CNTNAP2: variants seen among roughly 807,000 people sequenced by gnomAD.
CNTNAP2 encodes contactin associated protein 2.
In CNTNAP2, 98 loss-of-function variants were observed where a neutral mutation model predicts 155.2. That is an observed-to-expected ratio of 0.63 (90% CI 0.54 to 0.75). CNTNAP2 has a LOEUF of 0.75. Among genes scored for constraint, CNTNAP2 ranks in the 30% least tolerant of loss-of-function variants. The pLI is 0.00. For synonymous variants in CNTNAP2, 651 were observed against 631.2 expected (o/e 1.03, Z -0.47); for missense variants, 1,727 against 1,688.1 (o/e 1.02, Z -0.40).
At chr7:147,677,673 C>A (rs891434961) in intron 13 of CNTNAP2, among the ~76,000 whole-genome samples, 5 of 151,562 alleles carry the variant, frequency 3.3e-5, no homozygotes, top group Non-Finnish European at 5.9e-5. Context: ...AGTTTTTAAT[C>A]CATTTTAAGC....
chr7:148,415,835 A>G lies in CNTNAP2; in HGVS notation c.*219A>G. ...ATAGCTGAGTTTTCCCTTCTGTATC[A>G]AAACAAAATAATACAAAAAATGCTT... is the stretch of plus-strand genomic sequence containing the variant. On this transcript the variant is annotated 3_prime_UTR_variant, in exon 24 of 24. Transcript: ENST00000361727. The G allele has an allele frequency of 1.7e-6, 1 of 604,792 alleles. No individual in the cohort carries two copies. Among genetic ancestry groups the G allele is most frequent in the Non-Finnish European group, 2.9e-6 (1 of 346,016 alleles). The allele number at this position is 604,792 out of a possible 1,614,324, so 37.5% of individuals were successfully genotyped here.
chr7:147,874,579 T>A (rs1251147963), intron 13 of CNTNAP2, among the ~76,000 whole-genome samples: 4 of 152,260 alleles, frequency 2.6e-5, no homozygotes, highest in Non-Finnish European at 5.9e-5. Context: ...CATTTTTCCC[T>A]CCTAGGCCTC....
intron 14 of CNTNAP2, among the ~76,000 whole-genome samples, chr7:147,948,190 G>A (rs1378787666): frequency 6.6e-6 from 1 of 151,492 alleles, no homozygotes; most frequent in Non-Finnish European, 1.5e-5. Flanking sequence ...GGGGAGGGGG[G>A]CATGGTTAAT....
At chr7:146,567,052 G>A (rs886226262) in intron 1 of CNTNAP2, among the ~76,000 whole-genome samples, 3 of 152,072 alleles carry the variant, frequency 2.0e-5, no homozygotes, top group East Asian at 1.9e-4. Flanking sequence ...TTTAAGTGAT[G>A]GGATGTAATC....
At chr7:146,395,909 C>T (rs1181477240) in intron 1 of CNTNAP2, among the ~76,000 whole-genome samples, 1 of 151,674 alleles carries the variant, frequency 6.6e-6, no homozygotes, top group Non-Finnish European at 1.5e-5. Flanking sequence ...AAATGAGTAT[C>T]TCAGAAAGGC....
intron 1 of CNTNAP2, among the ~76,000 whole-genome samples, chr7:146,170,037 G>A (rs1464165983): frequency 3.6e-5 from 4 of 110,614 alleles, no homozygotes; most frequent in African/African-American, 9.7e-5. Context: ...TTTTTTTTTG[G>A]AGTGGGGTGG....
chr7:146,308,796 G>T (rs572682221), intron 1 of CNTNAP2, among the ~76,000 whole-genome samples: 2 of 152,036 alleles, frequency 1.3e-5, no homozygotes, highest in Non-Finnish European at 2.9e-5. Context: ...TTGGACACAC[G>T]GCGGGGAACA....
chr7:146,311,285 T>A (rs943337504), intron 1 of CNTNAP2, among the ~76,000 whole-genome samples: 2 of 152,148 alleles, frequency 1.3e-5, no homozygotes, highest in African/African-American at 4.8e-5. Flanking sequence ...GTGACCCAAA[T>A]CCAAGTCTGA....
chr7:146,464,427 A>G (rs1796687081), intron 1 of CNTNAP2, among the ~76,000 whole-genome samples: 1 of 152,160 alleles, frequency 6.6e-6, no homozygotes, highest in Non-Finnish European at 1.5e-5. Context: ...ATTTCAGAGA[A>G]TAGAAGAAAA....
chr7:147,744,460 A>T (rs771933271), intron 13 of CNTNAP2, among the ~76,000 whole-genome samples: 17 of 152,292 alleles, frequency 1.1e-4, no homozygotes, highest in Non-Finnish European at 2.2e-4. Context: ...TTCTTTAACA[A>T]ATATGTAGCG....
rs1801121442 is a variant in CNTNAP2, at chr7:147,608,697, T to A, written c.1898-30409T>A. ...ACAAAATGAAGAAAGGGTTAAGGAG[T>A]ATTATCAGCACTGTCACGCGTGTCT... is the stretch of plus-strand genomic sequence containing the variant. On this transcript the variant is annotated intron_variant, in intron 12 of 23. Transcript: ENST00000361727. Among the ~76,000 whole-genome samples the A allele has an allele frequency of 2.0e-5, 3 of 152,004 alleles. No homozygotes were observed. In the South Asian group the frequency reaches 6.2e-4, roughly 32 times the overall value.
In CNTNAP2 at chr7:147,516,618, A is replaced by ATGCG. The variant is rs541557161; in HGVS notation, c.1777+30579_1777+30580insCGTG. On this transcript the variant is annotated intron_variant, in intron 11 of 23. Coordinates refer to ENST00000361727, the MANE Select transcript of CNTNAP2 (RefSeq NM_014141.6). ...TGTGTATGAGACAGAGAGAGAGAGA[A>ATGCG]TGTGTGTGTGTGTGTGTGTGTGTGT... Among the ~76,000 whole-genome samples the ATGCG allele has an allele frequency of 5.9e-3, 881 of 149,934 alleles. 12 individuals carry two copies. Among genetic ancestry groups the ATGCG allele is most frequent in the African/African-American group, 0.02 (825 of 40,980 alleles).
chr7:147,664,517 G>C (rs943317336), intron 13 of CNTNAP2, among the ~76,000 whole-genome samples: 1 of 152,132 alleles, frequency 6.6e-6, no homozygotes, highest in Non-Finnish European at 1.5e-5. Context: ...TAGGAATTCA[G>C]TTCAGCCTTT....
chr7:147,214,200 G>A (rs568989251), intron 8 of CNTNAP2, among the ~76,000 whole-genome samples: 4 of 152,196 alleles, frequency 2.6e-5, no homozygotes, highest in African/African-American at 7.2e-5. Flanking sequence ...AACACCATAC[G>A]TAGGAGTTCA....
intron 15 of CNTNAP2, among the ~76,000 whole-genome samples, chr7:148,116,413 A>T (rs1037177319): frequency 6.6e-6 from 1 of 152,136 alleles, no homozygotes; most frequent in Admixed American, 6.5e-5. Context: ...CTAACTAAAG[A>T]CTTTCCACAT....
At chr7:147,286,224 A>G (rs1584846481) in intron 8 of CNTNAP2, among the ~76,000 whole-genome samples, 1 of 152,082 alleles carries the variant, frequency 6.6e-6, no homozygotes, top group Non-Finnish European at 1.5e-5. Context: ...AAACTAAGAT[A>G]TTACATTTAT....
chr7:146,413,760 C>G (rs994517671), intron 1 of CNTNAP2, among the ~76,000 whole-genome samples: 1 of 151,832 alleles, frequency 6.6e-6, no homozygotes, highest in Non-Finnish European at 1.5e-5. Context: ...ATAATTTTCC[C>G]GAGTGGGGCA....
intron 18 of CNTNAP2, among the ~76,000 whole-genome samples, chr7:148,209,125 G>A (rs1795500702): frequency 1.3e-5 from 2 of 152,050 alleles, no homozygotes; most frequent in Middle Eastern, 3.2e-3. Flanking sequence ...CCTGTTCAAA[G>A]CTGAACTTTG....
chr7:147,824,612 A>G (rs965671434), intron 13 of CNTNAP2, among the ~76,000 whole-genome samples: 2 of 152,140 alleles, frequency 1.3e-5, no homozygotes, highest in African/African-American at 4.8e-5. Context: ...CTTCTTGGAC[A>G]GTCATTTTCC....
Sources: gnomAD v4.1 joint callset for allele counts (sites outside exome capture counted in the v4.1 genomes callset) on GRCh38, gnomAD v4.1.1 for gene constraint, MANE v1.5 for transcripts, NCBI Gene and HGNC (gene_info 2026-07-23, HGNC 2026-07-21) for gene names.